GSDMC: variants seen among roughly 807,000 people sequenced by gnomAD.
The protein encoded by GSDMC is gasdermin-C.
A neutral mutation model predicts 58.0 loss-of-function variants in GSDMC; 59 were observed. The ratio of observed to expected loss-of-function variants is 1.02; its 90% confidence interval spans 0.82 to 1.26. The LOEUF is 1.26. Among genes scored for constraint, GSDMC ranks in the 50% most tolerant of loss-of-function variants. GSDMC has a pLI of 0.00. For synonymous variants in GSDMC, 241 were observed against 220.2 expected (o/e 1.09, Z -0.83); for missense variants, 659 against 598.5 (o/e 1.10, Z -1.06).
the GSDMC span, among the ~76,000 whole-genome samples, chr8:129,715,109 C>A: frequency 6.6e-6 from 1 of 152,006 alleles, no homozygotes; most frequent in Non-Finnish European, 1.5e-5. Context: ...CTCAGAAAAA[C>A]CACTAAAATA....
the GSDMC span, among the ~76,000 whole-genome samples, chr8:129,741,915 A>AATATATATATATATATATAT: frequency 0.014 from 1,786 of 125,544 alleles, 42 homozygotes; most frequent in African/African-American, 0.032. Flanking sequence ...AAGAAAATGT[A>AATATATATATATATATATAT]ATATATATAT....
At chr8:129,735,436 C>T in the GSDMC span, among the ~76,000 whole-genome samples, 1 of 152,084 alleles carries the variant, frequency 6.6e-6, no homozygotes, top group Non-Finnish European at 1.5e-5. Context: ...TGTAAAAGAA[C>T]AGAAATCACA....
At chr8:129,774,090 T>G (rs1274275031) in intron 3 of GSDMC, among the ~76,000 whole-genome samples, 2 of 152,166 alleles carry the variant, frequency 1.3e-5, no homozygotes, top group Non-Finnish European at 2.9e-5. Flanking sequence ...AGACCCAGAA[T>G]AGCTAAAGCA....
chr8:129,709,592 A>ATAGC, the GSDMC span, among the ~76,000 whole-genome samples: 2,175 of 95,006 alleles, frequency 0.023, 19 homozygotes, highest in Middle Eastern at 0.14. Flanking sequence ...TAGATAGATG[A>ATAGC]TAGATAGATA....
At chr8:129,742,543 T>G in the GSDMC span, among the ~76,000 whole-genome samples, 1 of 152,142 alleles carries the variant, frequency 6.6e-6, no homozygotes, top group Non-Finnish European at 1.5e-5. Flanking sequence ...TACAACTCTT[T>G]CTTCTCTGTA....
the GSDMC span, among the ~76,000 whole-genome samples, chr8:129,736,075 G>C: frequency 2.0e-3 from 303 of 151,990 alleles, 2 homozygotes; most frequent in African/African-American, 7.1e-3. Context: ...ATAAATTCCT[G>C]GACACACACA....
chr8:129,776,401 T>A, intron 2 of GSDMC, 116 bp from the exon 3 acceptor site: 1 of 658,956 alleles, frequency 1.5e-6, no homozygotes, highest in South Asian at 2.2e-5. Flanking sequence ...TTTGCCCCAA[T>A]CCTCCCACTC....
chr8:129,778,501 A>C (rs1261835619), intron 1 of GSDMC, among the ~76,000 whole-genome samples: 6 of 152,218 alleles, frequency 3.9e-5, no homozygotes, highest in Non-Finnish European at 8.8e-5. Flanking sequence ...AAACTATAAA[A>C]ATAAAACACT....
intron 3 of GSDMC, among the ~76,000 whole-genome samples, chr8:129,774,821 T>C (rs1315787098): frequency 3.3e-5 from 5 of 152,140 alleles, no homozygotes; most frequent in Non-Finnish European, 7.4e-5. Context: ...AACAGGCACA[T>C]GAAATTGTGC....
chr8:129,749,536 G>C lies in GSDMC; in HGVS notation c.1214-11C>G, dbSNP rs745509477. On this transcript the variant is annotated splice_polypyrimidine_tract_variant and intron_variant, in intron 12 of 13. Transcript: ENST00000276708. ...GGAAGTCACTCAGCACTGAGGGTGGGGGACATGTGGGGAAAGACAGTAGTG... is the reference window on the plus strand; with the variant it reads ...GGAAGTCACTCAGCACTGAGGGTGGCGGACATGTGGGGAAAGACAGTAGTG... 2 of 1,604,764 alleles carry C rather than the reference G, an allele frequency of 1.2e-6. No homozygotes were observed. Among genetic ancestry groups the C allele is most frequent in the Non-Finnish European group, 1.7e-6 (2 of 1,171,646 alleles).
intron 1 of GSDMC, among the ~76,000 whole-genome samples, chr8:129,784,533 A>G (rs2034502942): frequency 1.3e-5 from 2 of 152,216 alleles, no homozygotes; most frequent in Admixed American, 6.5e-5. Context: ...GTAAATCAAA[A>G]CTACAATGAG....
At chr8:129,762,835 A>G (rs980215155) in intron 4 of GSDMC, 104 bp from the exon 5 acceptor site, 19 of 727,128 alleles carry the variant, frequency 2.6e-5, no homozygotes, top group Non-Finnish European at 4.1e-5. Flanking sequence ...CCCTGCTCTC[A>G]TCCTCCCTAC....
rs945781352 is a variant in GSDMC at position 129,785,727 on chromosome 8, C to A, written c.-5+284G>T. Among the ~76,000 whole-genome samples the A allele has an allele frequency of 5.4e-5, 8 of 148,626 alleles. 1 individual carries two copies. Among genetic ancestry groups the A allele is most frequent in the Admixed American group, 2.0e-4 (3 of 14,860 alleles). Reference sequence around the variant, plus strand: ...AATTCCTGATGTGACCATTTCAATTCTCTGATATGGGCCATGTAAGAGGTC... The same window carrying A: ...AATTCCTGATGTGACCATTTCAATTATCTGATATGGGCCATGTAAGAGGTC... On this transcript the variant is annotated intron_variant, in intron 1 of 13. Transcript: ENST00000276708.
chr8:129,758,506 C>A (rs1180063659), intron 6 of GSDMC, among the ~76,000 whole-genome samples: 2 of 152,062 alleles, frequency 1.3e-5, no homozygotes, highest in Admixed American at 6.6e-5. Context: ...AACTGATAAA[C>A]AAATTCAGTA....
chr8:129,746,731 A>G (rs940642347), downstream of GSDMC, among the ~76,000 whole-genome samples: 4 of 152,214 alleles, frequency 2.6e-5, no homozygotes, highest in African/African-American at 7.2e-5. Context: ...CAAAGCATCA[A>G]TAAGTCAACG....
chr8:129,740,058 A>G, the GSDMC span, among the ~76,000 whole-genome samples: 1 of 152,134 alleles, frequency 6.6e-6, no homozygotes, highest in Non-Finnish European at 1.5e-5. Flanking sequence ...ACAAACTAAA[A>G]AATAAAGAAA....
chr8:129,729,681 G>A, the GSDMC span: 1 of 463,824 alleles, frequency 2.2e-6, no homozygotes, highest in Non-Finnish European at 3.8e-6. Flanking sequence ...TGGTGTATAT[G>A]TGCCACATTT....
intron 3 of GSDMC, among the ~76,000 whole-genome samples, chr8:129,767,618 C>T (rs1293376924): frequency 6.6e-6 from 1 of 152,094 alleles, no homozygotes; most frequent in Non-Finnish European, 1.5e-5. Context: ...ATGGAGCAAA[C>T]TGAGTAGCCC....
chr8:129,737,455 G>A, the GSDMC span, among the ~76,000 whole-genome samples: 1 of 152,152 alleles, frequency 6.6e-6, no homozygotes, highest in South Asian at 2.1e-4. Context: ...GTAGACCAAT[G>A]GAACAGAAAA....
Sources: gnomAD v4.1 joint callset for allele counts (sites outside exome capture counted in the v4.1 genomes callset) on GRCh38, gnomAD v4.1.1 for gene constraint, MANE v1.5 for transcripts, NCBI Gene and HGNC (gene_info 2026-07-23, HGNC 2026-07-21) for gene names.